The following GALNT10 variants were observed in gnomAD, a reference collection of about 807,000 sequenced individuals.
GALNT10 encodes polypeptide N-acetylgalactosaminyltransferase 10.
A neutral mutation model predicts 75.0 loss-of-function variants in GALNT10; 41 were observed. That is an observed-to-expected ratio of 0.55 (90% CI 0.43 to 0.71). The LOEUF is 0.71. Among genes scored for constraint, GALNT10 ranks in the 30% least tolerant of loss-of-function variants. GALNT10 has a pLI of 0.00. For missense variants in GALNT10, 727 were observed against 818.5 expected, an observed-to-expected ratio of 0.89 and a Z score of 1.36; for synonymous variants, 302 against 313.0, an observed-to-expected ratio of 0.96 and a Z score of 0.37.
rs768715138 is a variant in GALNT10, at chr5:154,380,657, C to A, written c.938+26C>A. On this transcript the variant is annotated intron_variant, in intron 6 of 11. Transcript: ENST00000297107. ...GTAAGTATGAACAACCCTGGCTGGT[C>A]CCAGTGGCTACCCAGTGACCACTCC... 1.9e-6 allele frequency: 3 copies of A among 1,551,640 alleles called. No homozygotes were observed. The African/African-American group carries it at 4.1e-5, about 21-fold the overall frequency.
chr5:154,282,099 G>A (rs1036152572), intron 1 of GALNT10, among the ~76,000 whole-genome samples: 2 of 152,238 alleles, frequency 1.3e-5, no homozygotes, highest in Non-Finnish European at 2.9e-5. Flanking sequence ...AGCATCAGGT[G>A]AGGGCTTTCT....
At chr5:154,202,392 CA>C (rs1775040105) in intron 1 of GALNT10, among the ~76,000 whole-genome samples, 1 of 152,222 alleles carries the variant, frequency 6.6e-6, no homozygotes, top group Non-Finnish European at 1.5e-5. Flanking sequence ...ACTGGCTCCA[CA>C]GCAGAAACAG....
chr5:154,323,223 T>G (rs1339124734), intron 3 of GALNT10, among the ~76,000 whole-genome samples: 1 of 152,162 alleles, frequency 6.6e-6, no homozygotes, highest in Non-Finnish European at 1.5e-5. Flanking sequence ...ACTCTAAAAG[T>G]TAGCCTGCCA....
chr5:154,349,134 G>T (rs1042005357), intron 4 of GALNT10, among the ~76,000 whole-genome samples: 13 of 151,918 alleles, frequency 8.6e-5, no homozygotes, highest in Non-Finnish European at 1.8e-4. Flanking sequence ...AAATAATCAG[G>T]AAAGGCTTCC....
At chr5:154,330,534 G>A (rs889861555) in intron 4 of GALNT10, among the ~76,000 whole-genome samples, 10 of 152,158 alleles carry the variant, frequency 6.6e-5, no homozygotes, top group African/African-American at 2.4e-4. Context: ...CTGGCCCCAA[G>A]CATGTGATCT....
At chr5:154,228,020 C>T (rs919578248) in intron 1 of GALNT10, among the ~76,000 whole-genome samples, 1 of 151,976 alleles carries the variant, frequency 6.6e-6, no homozygotes, top group African/African-American at 2.4e-5. Context: ...CTGTGTGGCA[C>T]CTCCCCTCCC....
chr5:154,232,271 T>A (rs1484396719), intron 1 of GALNT10, among the ~76,000 whole-genome samples: 1 of 152,244 alleles, frequency 6.6e-6, no homozygotes, highest in Non-Finnish European at 1.5e-5. Context: ...TCTGTCCTTT[T>A]AGTTGCTTAT....
At chr5:154,239,118 G>A (rs1753293038) in intron 1 of GALNT10, among the ~76,000 whole-genome samples, 1 of 152,150 alleles carries the variant, frequency 6.6e-6, no homozygotes, top group Admixed American at 6.5e-5. Context: ...CTTTGTTTCT[G>A]TATCTTCACA....
At chr5:154,219,389 G>A (rs2113653674) in intron 1 of GALNT10, 1 of 152,884 alleles carries the variant, frequency 6.5e-6, no homozygotes, top group East Asian at 1.9e-4. Context: ...CCATGTCCTT[G>A]GTGGCCTCCC....
intron 3 of GALNT10, among the ~76,000 whole-genome samples, chr5:154,321,826 G>C (rs1754680132): frequency 6.6e-6 from 1 of 152,172 alleles, no homozygotes; most frequent in South Asian, 2.1e-4. Flanking sequence ...CCCCTAGAGA[G>C]GGGCACCCAC....
chr5:154,348,832 T>C (rs1755165861), intron 4 of GALNT10, among the ~76,000 whole-genome samples: 1 of 152,188 alleles, frequency 6.6e-6, no homozygotes, highest in African/African-American at 2.4e-5. Context: ...TGTCTTAATA[T>C]CAGTTATATC....
chr5:154,349,257 G>A (rs1311185811), intron 4 of GALNT10, among the ~76,000 whole-genome samples: 1 of 152,002 alleles, frequency 6.6e-6, no homozygotes, highest in Non-Finnish European at 1.5e-5. Flanking sequence ...ATTGTCAGGA[G>A]GCTGTACCTC....
chr5:154,219,326 G>C (rs772239991), intron 1 of GALNT10: 196 of 152,996 alleles, frequency 1.3e-3, no homozygotes, highest in Non-Finnish European at 1.5e-3. Context: ...GGGTTCCTGT[G>C]GTGTCCTGTG....
chr5:154,290,258 A>ATTTTTTTTTTTT (rs71577131), intron 1 of GALNT10, among the ~76,000 whole-genome samples: 1,423 of 98,908 alleles, frequency 0.014, 1 homozygote, highest in Non-Finnish European at 0.018. Flanking sequence ...CACTCAGCTA[A>ATTTTTTTTTTTT]TTTTTTTTTT....
At chr5:154,210,092 C>T (rs948724180) in intron 1 of GALNT10, among the ~76,000 whole-genome samples, 23 of 152,278 alleles carry the variant, frequency 1.5e-4, no homozygotes, top group African/African-American at 5.5e-4. Context: ...TTCCTCTCTC[C>T]ATGCAGCAGT....
rs529775748 is a variant in GALNT10, at chr5:154,298,602, G to A, written c.401+523G>A. ...CTCAGGTTGCTGTGAGGTAGGTCCT[G>A]TAATGATGCCGATTTTACAGTGAGA... On this transcript the variant is annotated intron_variant, in intron 3 of 11. Transcript: ENST00000297107. The surrounding 1 kb of genome is among the most constrained non-coding windows in gnomAD (Gnocchi z 4.1). Among the ~76,000 whole-genome samples, 4 of 152,290 alleles carry A rather than the reference G, an allele frequency of 2.6e-5. No homozygotes were observed. Among genetic ancestry groups the A allele is most frequent in the South Asian group, 4.1e-4 (2 of 4,824 alleles).
chr5:154,227,211 T>G (rs1753076772), intron 1 of GALNT10, among the ~76,000 whole-genome samples: 1 of 152,096 alleles, frequency 6.6e-6, no homozygotes, highest in Non-Finnish European at 1.5e-5. Flanking sequence ...TACCCAGGAG[T>G]AGAATGGCTG....
chr5:154,383,596 C>T (rs941602015), intron 6 of GALNT10, among the ~76,000 whole-genome samples: 5 of 152,174 alleles, frequency 3.3e-5, no homozygotes, highest in African/African-American at 1.2e-4. Context: ...TGCCTTAGAG[C>T]TGATATCCTG....
At chr5:154,229,438 G>A (rs1007907612) in intron 1 of GALNT10, among the ~76,000 whole-genome samples, 1 of 152,172 alleles carries the variant, frequency 6.6e-6, no homozygotes, top group African/African-American at 2.4e-5. Context: ...TGCAAAGATT[G>A]TAAGTTCCTG....
Sources: allele counts gnomAD v4.1 joint callset (sites outside exome capture counted in the v4.1 genomes callset), GRCh38; gene constraint gnomAD v4.1.1; non-coding constraint Gnocchi (gnomAD v3.1); transcripts MANE v1.5; gene names NCBI Gene and HGNC (gene_info 2026-07-23, HGNC 2026-07-21).